Variants in PER2 observed in about 807,000 individuals in gnomAD.
PER2 encodes the protein period circadian regulator 2.
In PER2, 66 loss-of-function variants were observed where a neutral mutation model predicts 121.0. The ratio of observed to expected loss-of-function variants is 0.55; its 90% CI spans 0.45 to 0.67. The LOEUF is 0.67. Among genes scored for constraint, PER2 ranks in the 30% least tolerant of loss-of-function variants. PER2 has a pLI of 0.00. For missense variants in PER2, 1,521 were observed against 1,635.0 expected (o/e 0.93, Z 1.20); for synonymous variants, 684 against 659.9 (o/e 1.04, Z -0.56).
rs199717477 is a variant in PER2 at position 238,258,291 on chromosome 2, C to T, written c.1885G>A (p.Gly629Arg). ...GATTAGATACCTCCAGCGTGTGGCC[C>T]TGGGCTGACTGTGGCCTTCCGCTTA... ...SDKRKATVSP[G>R]PHAGEAEPPS... is the part of the protein sequence containing the mutation. The change falls in exon 16 of 23, where the codon GGG becomes AGG. Residue 629 changes from glycine (G) to arginine (R), a missense_variant. Coordinates refer to ENST00000254657, the MANE Select transcript of PER2 (RefSeq NM_022817.3). 5.0e-6 allele frequency: 8 copies of T among 1,614,224 alleles called. No homozygotes were observed. Among genetic ancestry groups the T allele is most frequent in the Non-Finnish European group, 6.8e-6 (8 of 1,180,032 alleles).
At chr2:238,251,511 C>A in intron 20 of PER2, 88 bp downstream of exon 20, 1 of 1,251,840 alleles carries the variant, frequency 8.0e-7, no homozygotes, top group South Asian at 1.2e-5. Context: ...GATCCCTGTT[C>A]TGAGCACAGA....
At chr2:238,285,981 G>A (rs1203834865) in intron 1 of PER2, among the ~76,000 whole-genome samples, 1 of 152,156 alleles carries the variant, frequency 6.6e-6, no homozygotes, top group Non-Finnish European at 1.5e-5. Context: ...CATGGCAACG[G>A]TTGGGTAACT....
rs767640356 is a variant in PER2, at chr2:238,258,504, C to A, written c.1768G>T (p.Val590Phe). The change falls in exon 15 of 23, where the codon GTC (valine) becomes TTC (phenylalanine). Residue 590 changes from valine (V) to phenylalanine (F), a missense_variant. By Grantham distance (50) the Val-to-Phe change is conservative. Transcript: ENST00000254657. ...SYQQISCLDS[V>F]IRYLESCNEA... is the part of the protein sequence containing the mutation. ...CTGGAAATGCCGGCATACCTGATGA[C>A]GCTGTCCAAGCAGCTGATCTGCTGG... is the stretch of plus-strand genomic sequence containing the variant. 6.2e-7 allele frequency: 1 copy of A among 1,614,048 alleles called. No homozygotes were observed. Among genetic ancestry groups the A allele is most frequent in the Non-Finnish European group, 8.5e-7 (1 of 1,180,040 alleles).
At chr2:238,271,252 C>T (rs1441337475) in intron 6 of PER2, 60 bp downstream of exon 6, 2 of 1,489,758 alleles carry the variant, frequency 1.3e-6, no homozygotes, top group African/African-American at 2.8e-5. Context: ...TGGGTTGGGC[C>T]CAGCTCCTGG....
chr2:238,283,320 G>A lies in PER2; in HGVS notation c.-20+5029C>T, dbSNP rs80356225. ...CAGAGCCTCATCTCAGCAGGGTGTCGTCTTGTGTGTGCTTTCCAGACTTTT... is the reference window on the plus strand; with the variant it reads ...CAGAGCCTCATCTCAGCAGGGTGTCATCTTGTGTGTGCTTTCCAGACTTTT... On this transcript the variant is annotated intron_variant, in intron 1 of 22. Coordinates refer to ENST00000254657, the MANE Select transcript of PER2 (RefSeq NM_022817.3). Among the ~76,000 whole-genome samples the A allele has an allele frequency of 7.2e-3, 1,096 of 152,320 alleles. 11 individuals are homozygous for A. The highest frequency in any genetic ancestry group is 0.025 in the African/African-American group (1,026 of 41,558).
chr2:238,262,274 G>A lies in PER2; in HGVS notation c.1224C>T (p.Ile408=). Residue 408 remains isoleucine, a synonymous_variant, in exon 11 of 23, where the codon ATC becomes ATT. Coordinates refer to ENST00000254657, the MANE Select transcript of PER2 (RefSeq NM_022817.3). ...IRFRARNGEY[I]TLDTSWSSFI... Reference sequence around the variant, plus strand: ...AGCTGGACCAGCTGGTGTCCAACGTGATGTACTCTCCGTTCCGGGCGCGAA... The same window carrying A: ...AGCTGGACCAGCTGGTGTCCAACGTAATGTACTCTCCGTTCCGGGCGCGAA... The A allele has an allele frequency of 6.2e-7, 1 of 1,613,906 alleles. No individual in the cohort carries two copies. The highest frequency in any genetic ancestry group is 2.2e-5 in the East Asian group (1 of 44,872).
rs748137418 is a variant in PER2, at chr2:238,275,870, T to C, written c.321A>G (p.Thr107=). ...CSSDQSSKVD[T]HKELIKTLKE... ...TTAGTGTTTTTATCAGTTCTTTGTG[T>C]GTGTCCACTTTCGAAGACTGGTCGC... The change falls in exon 4 of 23, where the codon ACA becomes ACG. Residue 107 remains threonine (T), a synonymous_variant. Transcript: ENST00000254657. The C allele has an allele frequency of 3.1e-6, 5 of 1,614,252 alleles. No homozygotes were observed. The highest frequency in any genetic ancestry group is 1.1e-5 in the South Asian group (1 of 91,086).
At position 238,252,876 on chromosome 2, in the gene PER2, G is replaced by A. The variant is rs1160781782; in HGVS notation, c.3111+36C>T. 1.9e-6 allele frequency: 3 copies of A among 1,590,216 alleles called. No individual in the cohort carries two copies. In the South Asian group the frequency reaches 3.3e-5, roughly 18 times the overall value. On this transcript the variant is annotated intron_variant, in intron 19 of 22. Transcript: ENST00000254657. This position sits in a 1 kb window ranked among gnomAD's most constrained non-coding sequence, Gnocchi z 4.2. ...CGGCCTGCCAGGTGTGCTGTTTGCT[G>A]CCTGCTTTGGGGAAAGAGCATCAGA...
At chr2:238,294,745 C>A (rs1446075543), upstream of PER2, among the ~76,000 whole-genome samples, 1 of 152,206 alleles carries the variant, frequency 6.6e-6, no homozygotes, top group African/African-American at 2.4e-5. Flanking sequence ...CCACCCTGCC[C>A]CTATGAAGCC....
chr2:238,257,180 C>T, intron 16 of PER2, 94 bp from the exon 17 acceptor site: 2 of 1,105,774 alleles, frequency 1.8e-6, no homozygotes, highest in Non-Finnish European at 2.6e-6. Context: ...ACAGCTTCCA[C>T]ACCAGGGTGC....
At position 238,273,167 on chromosome 2, in the gene PER2, A is replaced by T. The variant is rs765518231; in HGVS notation, c.473T>A (p.Leu158Gln). Residue 158 changes from leucine (L) to glutamine (Q), a missense_variant, in exon 5 of 23, where the codon CTG (leucine) becomes CAG (glutamine). By Grantham distance (113) the Leu-to-Gln change is moderately radical. Coordinates refer to ENST00000254657, the MANE Select transcript of PER2 (RefSeq NM_022817.3). ...ACAGGGGTGACCCTCGCTGGACATC[A>T]GCAGCTGGTAATACTCTTCATTGGC... is the stretch of plus-strand genomic sequence containing the variant. Reference protein sequence around the residue: ...VKANEEYYQLLMSSEGHPCGA... With the variant: ...VKANEEYYQLQMSSEGHPCGA... 1 of 1,613,940 alleles carries T rather than the reference A, an allele frequency of 6.2e-7. No homozygotes were observed. The highest frequency in any genetic ancestry group is 1.1e-5 in the South Asian group (1 of 91,056).
At chr2:238,261,428 G>A in intron 12 of PER2, 1 of 471,778 alleles carries the variant, frequency 2.1e-6, no homozygotes, top group Non-Finnish European at 3.9e-6. Context: ...GCACCACTGA[G>A]AGGTCACTCT....
Position 238,265,545 on chromosome 2 carries a change from G to GT in PER2, c.1012dup (p.Thr338AsnfsTer11), listed in dbSNP as rs776999936. ...CACATCCTGGAACAAACAATTTGGT[G>GT]TATGGGTGGTTGTAAAAATTCTCTT... On this transcript the variant is annotated frameshift_variant, in exon 9 of 23. Coordinates refer to ENST00000254657, the MANE Select transcript of PER2 (RefSeq NM_022817.3). LOFTEE classifies it high-confidence loss of function. The GT allele has an allele frequency of 6.2e-7, 1 of 1,611,434 alleles. No individual in the cohort carries two copies.
At chr2:238,258,208 G>A in intron 16 of PER2, 68 bp downstream of exon 16, 2 of 1,542,408 alleles carry the variant, frequency 1.3e-6, no homozygotes, top group Non-Finnish European at 1.8e-6. Flanking sequence ...AAGCCATGGG[G>A]ACGTCTGACT....
rs377718075 is a variant in PER2, at chr2:238,277,684, A to G, written c.230+23T>C. Reference sequence around the variant, plus strand: ...TGAGAAAACAACCTGCCCAGCCTCCATCTGGCCAGAGGCTGAACTCACCTC... The same window carrying G: ...TGAGAAAACAACCTGCCCAGCCTCCGTCTGGCCAGAGGCTGAACTCACCTC... On this transcript the variant is annotated intron_variant, in intron 2 of 22. Coordinates refer to ENST00000254657, the MANE Select transcript of PER2 (RefSeq NM_022817.3). 12 of 1,613,460 alleles carry G rather than the reference A, an allele frequency of 7.4e-6. No homozygotes were observed. The African/African-American group carries it at 1.3e-4, about 18-fold the overall frequency.
At chr2:238,255,513 C>A (rs1024243762) in intron 18 of PER2, 144 bp downstream of exon 18, 1 of 847,206 alleles carries the variant, frequency 1.2e-6, no homozygotes, top group East Asian at 2.4e-5. Flanking sequence ...AAACAGATGG[C>A]GTTGCCAGGG....
rs758004611 is a variant in PER2 at position 238,256,987 on chromosome 2, G to C, written c.2000C>G (p.Thr667Ser). 6 of 1,613,830 alleles carry C rather than the reference G, an allele frequency of 3.7e-6. No individual in the cohort carries two copies. The African/African-American group carries it at 5.3e-5, about 14-fold the overall frequency. Residue 667 changes from threonine to serine, a missense_variant, in exon 17 of 23, where the codon ACC becomes AGC. By Grantham distance (58) the Thr-to-Ser change is moderately conservative. Coordinates refer to ENST00000254657, the MANE Select transcript of PER2 (RefSeq NM_022817.3). ...GGTGCTGCTGTAGCTGCACTGGCTG[G>C]TGAGCGACGCCACACTCTCTGCCTT... ...PGKAESVASL[T>S]SQCSYSSTIV... is the part of the protein sequence containing the mutation.
rs181985043 is a variant in PER2, at chr2:238,262,991, G to T, written c.1114C>A (p.Pro372Thr). 6.2e-7 allele frequency: 1 copy of T among 1,613,862 alleles called. No homozygotes were observed. Among genetic ancestry groups the T allele is most frequent in the Non-Finnish European group, 8.5e-7 (1 of 1,179,870 alleles). The change falls in exon 10 of 23, where the codon CCT (proline) becomes ACT (threonine). Residue 372 changes from proline to threonine, a missense_variant. Coordinates refer to ENST00000254657, the MANE Select transcript of PER2 (RefSeq NM_022817.3). ...IETPVLVQLH[P>T]SDRPLMLAIH... ...GCCAGCATCAAGGGCCTGTCACTAG[G>T]GTGGAGCTGCACGAGCACTGGGGTT...
At chr2:238,259,905 T>G in intron 14 of PER2, 64 bp downstream of exon 14, 1 of 774,812 alleles carries the variant, frequency 1.3e-6, no homozygotes, top group Non-Finnish European at 2.3e-6. Flanking sequence ...TAACCCAGGT[T>G]CCCTCTTCTC....
Sources: allele counts gnomAD v4.1 joint callset (sites outside exome capture counted in the v4.1 genomes callset), GRCh38; gene constraint gnomAD v4.1.1; non-coding constraint Gnocchi (gnomAD v3.1); transcripts MANE v1.5; gene names NCBI Gene and HGNC (gene_info 2026-07-23, HGNC 2026-07-21).